BICRA: variants seen among roughly 807,000 people sequenced by gnomAD.
BICRA encodes BRD4-interacting chromatin-remodeling complex-associated protein.
In BICRA, 31 loss-of-function variants were observed where a neutral mutation model predicts 96.9. That is an observed-to-expected ratio of 0.32 (90% confidence interval 0.24 to 0.43). The LOEUF is 0.43. BICRA is among the 20% of genes least tolerant of loss of function. The probability of loss-of-function intolerance (pLI) is 1.00; values close to 1 mark genes in which losing one functional copy is unlikely to be tolerated. For missense variants in BICRA, 2,283 were observed against 2,190.3 expected (o/e 1.04, Z -0.84); for synonymous variants, 1,350 against 1,071.8 (o/e 1.26, Z -5.07).
chr19:47,649,136 C>G (rs903787680), intron 1 of BICRA, among the ~76,000 whole-genome samples: 4 of 152,004 alleles, frequency 2.6e-5, no homozygotes, highest in Admixed American at 6.6e-5. Flanking sequence ...CAGGCGTGAG[C>G]CACTGCACCC....
chr19:47,659,869 C>G (rs1272806571), intron 1 of BICRA, among the ~76,000 whole-genome samples: 1 of 152,116 alleles, frequency 6.6e-6, no homozygotes, highest in East Asian at 1.9e-4. Context: ...CACACCTCAG[C>G]TTCCCAAGTA....
intron 11 of BICRA, among the ~76,000 whole-genome samples, chr19:47,697,234 T>C (rs891140698): frequency 4.6e-5 from 7 of 152,008 alleles, no homozygotes; most frequent in African/African-American, 1.7e-4. Context: ...TCCACCTGCC[T>C]CGGCCTCCCA....
At position 47,673,625 on chromosome 19, in the gene BICRA, G is replaced by C; in HGVS notation, c.41+10G>C. 1.2e-6 allele frequency: 2 copies of C among 1,604,218 alleles called. No homozygotes were observed. Among genetic ancestry groups the C allele is most frequent in the Non-Finnish European group, 1.7e-6 (2 of 1,171,208 alleles). On this transcript the variant is annotated intron_variant, in intron 3 of 14. Coordinates refer to ENST00000594866, the MANE Select transcript of BICRA (RefSeq NM_001394372.1). ...TACTAGACGTGATTTGGTGAGTAAC[G>C]GGCTCCCCACCCCCTGCCCTCTGTC... is the stretch of plus-strand genomic sequence containing the variant.
In BICRA at chr19:47,701,987, G is replaced by A. The variant is rs542928438; in HGVS notation, c.4255G>A (p.Ala1419Thr). The A allele has an allele frequency of 3.8e-4, 563 of 1,479,014 alleles. 1 individual carries two copies. The highest frequency in any genetic ancestry group is 6.0e-4 in the Middle Eastern group (3 of 5,000). The allele number at this position is 1,479,014 out of a possible 1,614,324, so 91.6% of individuals were successfully genotyped here. The change falls in exon 15 of 15, where the codon GCC becomes ACC. Residue 1419 changes from alanine to threonine, a missense_variant. Physicochemically the swap from Ala to Thr is moderately conservative, Grantham distance 58 (BLOSUM62 0). Transcript: ENST00000594866. The surrounding 1 kb of genome is among the most constrained non-coding windows in gnomAD (Gnocchi z 5.4). ...ARGGSPAPLP[A>T]KVDEATSGLI... ...GGGAGGCAGCCCGGCGCCGCTGCCC[G>A]CCAAAGTGGACGAGGCCACCAGCGG...
intron 7 of BICRA, among the ~76,000 whole-genome samples, chr19:47,688,126 G>A (rs1192487327): frequency 2.6e-5 from 4 of 152,070 alleles, no homozygotes; most frequent in African/African-American, 4.8e-5. Context: ...TGGGGCTCTC[G>A]AAATCTCTTG....
chr19:47,690,527 C>T (rs1039841792), intron 7 of BICRA, among the ~76,000 whole-genome samples: 1 of 152,092 alleles, frequency 6.6e-6, no homozygotes, highest in Admixed American at 6.6e-5. Flanking sequence ...GTAAATGGTA[C>T]CCTAGGGTGA....
intron 1 of BICRA, among the ~76,000 whole-genome samples, chr19:47,636,630 C>G (rs952265066): frequency 2.6e-5 from 4 of 152,130 alleles, no homozygotes; most frequent in Non-Finnish European, 1.5e-5. Flanking sequence ...GCCTCCACCA[C>G]CTGAGTGGCT....
In BICRA at chr19:47,701,238, T is replaced by TGC. The variant is rs1051986305; in HGVS notation, c.3596-90_3596-89insGC. ...AGGGTGCAGTCTGGTGCCTGGCAGGTAGTAGGTGCTCACTGCACACAGCTC... is the reference window on the plus strand; with the variant it reads ...AGGGTGCAGTCTGGTGCCTGGCAGGTGCAGTAGGTGCTCACTGCACACAGCTC... On this transcript the variant is annotated intron_variant, in intron 14 of 14. Transcript: ENST00000594866. The surrounding 1 kb of genome is among the most constrained non-coding windows in gnomAD (Gnocchi z 5.4). 14 of 839,182 alleles carry TGC rather than the reference T, an allele frequency of 1.7e-5. No homozygotes were observed. The African/African-American group carries it at 2.4e-4, about 14-fold the overall frequency. 52.0% of individuals were successfully genotyped at this position (839,182 alleles called of 1,614,324 possible). A position where few individuals can be genotyped will look rare whatever the true frequency, so the allele number is the denominator to read the frequency against.
Position 47,679,926 on chromosome 19 carries a change from C to T in BICRA, c.756C>T (p.Leu252=). 1 of 1,517,590 alleles carries T rather than the reference C, an allele frequency of 6.6e-7. No individual in the cohort carries two copies. Among genetic ancestry groups the T allele is most frequent in the Non-Finnish European group, 8.8e-7 (1 of 1,139,360 alleles). 94.0% of individuals were successfully genotyped at this position (1,517,590 alleles called of 1,614,324 possible). Residue 252 remains leucine (L), a synonymous_variant, in exon 6 of 15, where the codon CTC becomes CTT. Coordinates refer to ENST00000594866, the MANE Select transcript of BICRA (RefSeq NM_001394372.1). The part of the protein sequence containing the change: ...VMALNTPTSQ[L]LAKQVPVSGY... ...CGCTCAACACGCCCACCTCCCAGCT[C>T]CTGGCCAAGCAGGTGCCCGTCAGCG...
At chr19:47,696,063 G>C (rs1056591682) in intron 10 of BICRA, among the ~76,000 whole-genome samples, 2 of 152,054 alleles carry the variant, frequency 1.3e-5, no homozygotes, top group African/African-American at 4.8e-5. Context: ...AGGGAGGCGG[G>C]GGGGCGAAAC....
intron 7 of BICRA, among the ~76,000 whole-genome samples, chr19:47,684,393 G>A (rs1052063669): frequency 1.3e-5 from 2 of 152,174 alleles, no homozygotes; most frequent in Admixed American, 1.3e-4. Context: ...TGTTGGCCAA[G>A]CTGGTCTCAA....
intron 1 of BICRA, among the ~76,000 whole-genome samples, chr19:47,653,040 C>T (rs1323209970): frequency 3.8e-5 from 5 of 131,516 alleles, no homozygotes; most frequent in East Asian, 2.1e-4. Flanking sequence ...TTTTTTTTTC[C>T]GAGACAGGGT....
Position 47,679,674 on chromosome 19 carries a change from G to T in BICRA, c.504G>T (p.Gly168=), listed in dbSNP as rs1247910634. 1.3e-6 allele frequency: 2 copies of T among 1,518,602 alleles called. No individual in the cohort carries two copies. 94.1% of individuals were successfully genotyped at this position (1,518,602 alleles called of 1,614,324 possible). ...TCCCAGGCAGCACCGACCTGCTGGGGCTGCAGGGCCCGCCTACCGTGCTGA... is the reference window on the plus strand; with the variant it reads ...TCCCAGGCAGCACCGACCTGCTGGGTCTGCAGGGCCCGCCTACCGTGCTGA... The part of the protein sequence containing the change: ...ALFPGSTDLL[G]LQGPPTVLTH... The change falls in exon 6 of 15, where the codon GGG becomes GGT. Residue 168 remains glycine, a synonymous_variant. Transcript: ENST00000594866.
chr19:47,685,685 C>T (rs1403807097), intron 7 of BICRA, among the ~76,000 whole-genome samples: 3 of 151,802 alleles, frequency 2.0e-5, no homozygotes, highest in Admixed American at 2.0e-4. Context: ...CGAACTCCAA[C>T]CCCTGCACTC....
At chr19:47,677,905 C>T (rs374978298) in intron 5 of BICRA, among the ~76,000 whole-genome samples, 6 of 152,286 alleles carry the variant, frequency 3.9e-5, no homozygotes, top group Non-Finnish European at 7.3e-5. Context: ...TCATGTCACA[C>T]GCTTGCCTTT....
chr19:47,638,235 C>A (rs572206607), intron 1 of BICRA, among the ~76,000 whole-genome samples: 1 of 152,216 alleles, frequency 6.6e-6, no homozygotes, highest in South Asian at 2.1e-4. Flanking sequence ...CTGCTCCCCC[C>A]TCAGGGAGGC....
In BICRA at chr19:47,694,095, T is replaced by A; in HGVS notation, c.2284-20T>A. ...GGTTCTGACCCCCGCCCCTCCCCTC[T>A]CCCTCCCTCCCCTGCCCAGATCCCG... On this transcript the variant is annotated intron_variant, in intron 7 of 14. Coordinates refer to ENST00000594866, the MANE Select transcript of BICRA (RefSeq NM_001394372.1). The A allele has an allele frequency of 2.7e-5, 17 of 622,370 alleles. No homozygotes were observed. The highest frequency in any genetic ancestry group is 1.3e-4 in the East Asian group (1 of 7,570). 38.6% of individuals were successfully genotyped at this position (622,370 alleles called of 1,614,324 possible). A position where few individuals can be genotyped will look rare whatever the true frequency, so the allele number is the denominator to read the frequency against.
intron 7 of BICRA, among the ~76,000 whole-genome samples, chr19:47,688,178 C>G (rs1362492744): frequency 6.6e-6 from 1 of 151,296 alleles, no homozygotes; most frequent in Non-Finnish European, 1.5e-5. Flanking sequence ...CCCAGCTACT[C>G]AGGAGGGAGG....
At chr19:47,638,613 T>TCACACACACA (rs34512769) in intron 1 of BICRA, among the ~76,000 whole-genome samples, 8 of 149,830 alleles carry the variant, frequency 5.3e-5, no homozygotes, top group African/African-American at 1.7e-4. Flanking sequence ...TCTCTCTCTG[T>TCACACACACA]CACACACACA....
Sources: gnomAD v4.1 joint callset for allele counts (sites outside exome capture counted in the v4.1 genomes callset) on GRCh38, gnomAD v4.1.1 for gene constraint, Gnocchi (gnomAD v3.1) non-coding constraint, MANE v1.5 for transcripts, NCBI Gene and HGNC (gene_info 2026-07-23, HGNC 2026-07-21) for gene names.